The following RAPGEF4 variants were observed in gnomAD, a reference collection of about 807,000 sequenced individuals.
RAPGEF4 encodes the protein Rap guanine nucleotide exchange factor 4.
Under a neutral mutation model 147.9 loss-of-function variants are expected in RAPGEF4, and 66 were observed. That is an observed-to-expected ratio of 0.45 (90% CI 0.37 to 0.55). The LOEUF (loss-of-function observed/expected upper bound fraction) is 0.55. Among genes scored for constraint, RAPGEF4 ranks in the 20% least tolerant of loss-of-function variants. The pLI, the probability that RAPGEF4 is intolerant of heterozygous loss-of-function variation, is 0.00. For synonymous variants in RAPGEF4, 419 were observed against 442.7 expected (o/e 0.95, Z 0.67); for missense variants, 1,071 against 1,257.3 (o/e 0.85, Z 2.24).
chr2:172,814,571 ATGAG>A, intron 4 of RAPGEF4, 146 bp downstream of exon 4: 1 of 1,023,240 alleles, frequency 9.8e-7, no homozygotes, highest in South Asian at 1.4e-5. Context: ...TGTTTTTGAA[ATGAG>A]TGAGTGAAAA....
chr2:172,860,168 G>C, intron 4 of RAPGEF4: 1 of 950,052 alleles, frequency 1.1e-6, no homozygotes, highest in African/African-American at 2.1e-5. Flanking sequence ...ATCACTAAGG[G>C]AGAAGCTGAT....
rs1575609510 is a variant in RAPGEF4, at chr2:173,052,039, G to C, written c.*272G>C. 1.5e-5 allele frequency: 4 copies of C among 265,018 alleles called. No homozygotes were observed. In the East Asian group the frequency reaches 2.8e-4, roughly 19 times the overall value. 16.4% of individuals were successfully genotyped at this position (265,018 alleles called of 1,614,324 possible). A position where few individuals can be genotyped will look rare whatever the true frequency, so the allele number is the denominator to read the frequency against. On this transcript the variant is annotated 3_prime_UTR_variant, in exon 31 of 31. Coordinates refer to ENST00000397081, the MANE Select transcript of RAPGEF4 (RefSeq NM_007023.4). The stretch of plus-strand genomic sequence containing the variant: ...CACTTGTGCCATCTTCTTTGCTGAA[G>C]TGTTGAATAAGGCCCACGTGAAGAG...
chr2:172,984,092 A>G (rs905387599), intron 11 of RAPGEF4, among the ~76,000 whole-genome samples: 2 of 152,146 alleles, frequency 1.3e-5, no homozygotes, highest in African/African-American at 4.8e-5. Context: ...ATAAAAAATG[A>G]CCCAGTGGCT....
At chr2:172,898,337 G>C (rs969992889) in intron 4 of RAPGEF4, among the ~76,000 whole-genome samples, 1 of 152,104 alleles carries the variant, frequency 6.6e-6, no homozygotes, top group Non-Finnish European at 1.5e-5. Context: ...AAAGAATCCC[G>C]CCTGCTCGCT....
At chr2:173,005,531 T>TTTTTTG (rs1694376682) in intron 17 of RAPGEF4, among the ~76,000 whole-genome samples, 1 of 139,348 alleles carries the variant, frequency 7.2e-6, no homozygotes, top group Non-Finnish European at 1.6e-5. Flanking sequence ...TTTTTTTTTT[T>TTTTTTG]TTTTTTTTTT....
intron 3 of RAPGEF4, among the ~76,000 whole-genome samples, chr2:172,806,142 TAGTA>T (rs1460390404): frequency 7.2e-5 from 11 of 151,806 alleles, no homozygotes; most frequent in African/African-American, 2.7e-4. Context: ...TTTTTTGGCA[TAGTA>T]AGTATCAAAA....
chr2:172,995,303 A>T (rs888682441), intron 15 of RAPGEF4, among the ~76,000 whole-genome samples: 1 of 148,522 alleles, frequency 6.7e-6, no homozygotes, highest in Non-Finnish European at 1.5e-5. Context: ...GTATTTTGAG[A>T]TGGAGTCTTG....
chr2:172,750,149 AC>A (rs1248231770), intron 1 of RAPGEF4, among the ~76,000 whole-genome samples: 2 of 152,018 alleles, frequency 1.3e-5, no homozygotes, highest in East Asian at 3.9e-4. Context: ...TCTGCCTGTT[AC>A]CCAGTTCCAA....
intron 5 of RAPGEF4, among the ~76,000 whole-genome samples, chr2:172,919,465 C>T (rs1302960240): frequency 6.6e-6 from 1 of 152,166 alleles, no homozygotes; most frequent in Non-Finnish European, 1.5e-5. Context: ...CGGGGCACCA[C>T]TGTGTTATCC....
intron 26 of RAPGEF4, among the ~76,000 whole-genome samples, chr2:173,032,505 A>G (rs946367903): frequency 1.3e-5 from 2 of 152,356 alleles, no homozygotes; most frequent in East Asian, 1.9e-4. Context: ...TGCCAAAAAC[A>G]TAATCCACTC....
chr2:172,953,760 G>A (rs747271485), intron 6 of RAPGEF4, among the ~76,000 whole-genome samples: 10 of 152,262 alleles, frequency 6.6e-5, no homozygotes, highest in Non-Finnish European at 1.2e-4. Context: ...CCCAGCATTC[G>A]GTGGGGTGGG....
chr2:172,784,921 G>C (rs1469036171), intron 1 of RAPGEF4, among the ~76,000 whole-genome samples: 1 of 152,006 alleles, frequency 6.6e-6, no homozygotes, highest in Non-Finnish European at 1.5e-5. Context: ...CACCTCCCGG[G>C]TTCAAGTGTT....
chr2:172,784,992 A>C (rs1333955554), intron 1 of RAPGEF4, among the ~76,000 whole-genome samples: 1 of 152,072 alleles, frequency 6.6e-6, no homozygotes, highest in Non-Finnish European at 1.5e-5. Flanking sequence ...CACCCGGCTA[A>C]TTTTGTATTT....
At chr2:172,996,701 T>A in intron 16 of RAPGEF4, 147 bp downstream of exon 16, 1 of 585,242 alleles carries the variant, frequency 1.7e-6, no homozygotes, top group Non-Finnish European at 3.0e-6. Context: ...CTGTGTGACC[T>A]GACTGGGAAC....
At chr2:172,891,487 A>C (rs573886976) in intron 4 of RAPGEF4, among the ~76,000 whole-genome samples, 1 of 152,152 alleles carries the variant, frequency 6.6e-6, no homozygotes, top group Non-Finnish European at 1.5e-5. Context: ...CTCTGTCATG[A>C]CATCTGTTTA....
At chr2:172,923,332 AATCTCAGCTC>A (rs1684956183) in intron 6 of RAPGEF4, among the ~76,000 whole-genome samples, 1 of 152,104 alleles carries the variant, frequency 6.6e-6, no homozygotes, top group African/African-American at 2.4e-5. Context: ...GCAGTGGTGC[AATCTCAGCTC>A]ACTGCAACCT....
intron 6 of RAPGEF4, among the ~76,000 whole-genome samples, chr2:172,960,068 G>A (rs1266122792): frequency 6.6e-6 from 1 of 152,106 alleles, no homozygotes; most frequent in African/African-American, 2.4e-5. Flanking sequence ...ACTCCAGCCT[G>A]GGCAACAGAG....
chr2:172,999,008 C>CTTTTGTTTAG (rs1693642677), intron 16 of RAPGEF4, among the ~76,000 whole-genome samples: 2 of 152,128 alleles, frequency 1.3e-5, no homozygotes. Context: ...GCTTCTGCTT[C>CTTTTGTTTAG]TTTTGTTTAG....
intron 4 of RAPGEF4, among the ~76,000 whole-genome samples, chr2:172,877,243 T>C (rs573853026): frequency 3.9e-5 from 6 of 152,260 alleles, no homozygotes; most frequent in South Asian, 2.1e-4. Context: ...AAATCCATCA[T>C]TCTCAGCAAA....
Sources: gnomAD v4.1 joint callset for allele counts (sites outside exome capture counted in the v4.1 genomes callset) on GRCh38, gnomAD v4.1.1 for gene constraint, MANE v1.5 for transcripts, NCBI Gene and HGNC (gene_info 2026-07-23, HGNC 2026-07-21) for gene names.